The following COL22A1 variants were observed in gnomAD, a reference collection of about 807,000 sequenced individuals.
COL22A1 encodes collagen type XXII alpha 1 chain.
COL22A1 carries 221 observed loss-of-function variants against 248.9 expected under a neutral mutation model. The ratio of observed to expected loss-of-function variants is 0.89; its 90% CI spans 0.80 to 0.99. The LOEUF is 0.99. COL22A1 is among the 50% of genes least tolerant of loss of function. The pLI is 0.00. For synonymous variants in COL22A1, 891 were observed against 793.4 expected (o/e 1.12, Z -2.07); for missense variants, 2,240 against 2,179.0 (o/e 1.03, Z -0.56).
chr8:138,800,663 G>T (rs1404242845), intron 11 of COL22A1, among the ~76,000 whole-genome samples: 1 of 152,130 alleles, frequency 6.6e-6, no homozygotes, highest in African/African-American at 2.4e-5. Flanking sequence ...TATCAGGCAG[G>T]CAATAATGAT....
chr8:138,608,031 A>G (rs373343072), intron 56 of COL22A1, 42 bp from the exon 57 acceptor site: 221 of 1,588,616 alleles, frequency 1.4e-4, no homozygotes, highest in Non-Finnish European at 1.9e-4. Flanking sequence ...CAGGGCATCA[A>G]AGAGCAGGAC....
At chr8:138,719,773 C>T (rs1829727702) in intron 27 of COL22A1, among the ~76,000 whole-genome samples, 1 of 152,164 alleles carries the variant, frequency 6.6e-6, no homozygotes, top group Non-Finnish European at 1.5e-5. Context: ...GCATTCTCCA[C>T]CTAGCAAGCC....
At chr8:138,777,354 T>G (rs1339823065) in intron 15 of COL22A1, among the ~76,000 whole-genome samples, 12 of 152,234 alleles carry the variant, frequency 7.9e-5, no homozygotes, top group Non-Finnish European at 4.4e-5. Flanking sequence ...TGTTTTAATT[T>G]CATCTAAATA....
rs377588140 is a variant in COL22A1 at position 138,658,466 on chromosome 8, C to T, written c.3285+1970G>A. On this transcript the variant is annotated intron_variant, in intron 44 of 64. Transcript: ENST00000303045. ...TGTGGGCACTCCATGCCTGTGTGAC[C>T]GACTCCCAACATAAACCCTAGACAC... is the stretch of plus-strand genomic sequence containing the variant. 8.1e-4 allele frequency among the ~76,000 whole-genome samples: 124 copies of T among 152,204 alleles called. 4 individuals carry two copies. The South Asian group carries it at 0.024, about 30-fold the overall frequency.
intron 1 of COL22A1, among the ~76,000 whole-genome samples, chr8:138,911,846 A>G (rs1163123006): frequency 2.6e-5 from 4 of 152,210 alleles, no homozygotes; most frequent in African/African-American, 7.2e-5. Context: ...TAAAGGATGC[A>G]TGGATCCCTG....
intron 22 of COL22A1, among the ~76,000 whole-genome samples, chr8:138,746,060 T>C (rs1389772128): frequency 6.6e-6 from 1 of 152,224 alleles, no homozygotes; most frequent in Admixed American, 6.5e-5. Flanking sequence ...GCGTGGAGCG[T>C]GCCTCGCTCT....
Position 138,811,799 on chromosome 8 carries a change from C to G in COL22A1, c.1449G>C (p.Lys483Asn). The change falls in exon 9 of 65, where the codon AAG becomes AAC. Residue 483 changes from lysine to asparagine, a missense_variant and splice_region_variant. Coordinates refer to ENST00000303045, the MANE Select transcript of COL22A1 (RefSeq NM_152888.3). ...TINCSCPAGE[K>N]GEMGVAGPMG... ...GCTGAAGGTGGACTGCAGACAATAC[C>G]TTCTCTCCAGCTGGGCAGGAGCAGT... The G allele has an allele frequency of 6.5e-7, 1 of 1,545,470 alleles. No individual in the cohort carries two copies. Among genetic ancestry groups the G allele is most frequent in the Non-Finnish European group, 8.8e-7 (1 of 1,136,620 alleles).
intron 23 of COL22A1, among the ~76,000 whole-genome samples, chr8:138,733,916 C>G (rs1453911940): frequency 6.6e-6 from 1 of 152,142 alleles, no homozygotes; most frequent in African/African-American, 2.4e-5. Flanking sequence ...TGGTGTGGGA[C>G]AGGACACTAC....
chr8:138,813,093 G>A lies in COL22A1; in HGVS notation c.1246-74C>T, dbSNP rs553745131. 7.3e-5 allele frequency: 82 copies of A among 1,128,836 alleles called. No individual in the cohort carries two copies. The African/African-American group carries it at 1.1e-3, about 15-fold the overall frequency. The allele number at this position is 1,128,836 out of a possible 1,614,324, so 69.9% of individuals were successfully genotyped here. A position where few individuals can be genotyped will look rare whatever the true frequency, so the allele number is the denominator to read the frequency against. On this transcript the variant is annotated intron_variant, in intron 7 of 64. Transcript: ENST00000303045. ...CCAGAAACCTCCGTGGTTTCACACA[G>A]GCCCCGTCCTGGTATCTGGTTCCAC...
intron 3 of COL22A1, among the ~76,000 whole-genome samples, chr8:138,856,924 T>C (rs1224296035): frequency 1.3e-5 from 2 of 152,274 alleles, no homozygotes; most frequent in East Asian, 1.9e-4. Flanking sequence ...CCCTGCCCTT[T>C]TGGTGTGCCT....
rs947552187 is a variant in COL22A1, at chr8:138,882,942, A to G, written c.91+140T>C. 3.0e-5 allele frequency: 23 copies of G among 772,758 alleles called. 2 individuals are homozygous for G. In the South Asian group the frequency reaches 4.6e-4, roughly 15 times the overall value. 47.9% of individuals were successfully genotyped at this position (772,758 alleles called of 1,614,324 possible). A position where few individuals can be genotyped will look rare whatever the true frequency, so the allele number is the denominator to read the frequency against. On this transcript the variant is annotated intron_variant, in intron 2 of 64. Transcript: ENST00000303045. ...CTAGGTTAGAAGGCAGCTGACTCAC[A>G]CTTGGATTCCGGACTCTCCCTCTCT...
chr8:138,635,177 AT>A (rs1821042982), intron 48 of COL22A1, 114 bp from the exon 49 acceptor site: 2 of 809,308 alleles, frequency 2.5e-6, no homozygotes, highest in African/African-American at 3.5e-5. Context: ...CCTACTAACA[AT>A]TTTGCTTAAA....
chr8:138,892,297 C>T (rs1328935419), intron 1 of COL22A1, among the ~76,000 whole-genome samples: 2 of 152,212 alleles, frequency 1.3e-5, no homozygotes, highest in Non-Finnish European at 2.9e-5. Flanking sequence ...AGCTTTGCCA[C>T]TTGGTGGCAC....
intron 11 of COL22A1, among the ~76,000 whole-genome samples, chr8:138,800,133 C>G (rs1217190652): frequency 2.0e-5 from 3 of 152,222 alleles, no homozygotes; most frequent in Admixed American, 1.3e-4. Context: ...TGGCCCTCTT[C>G]TCTTGGAACG....
chr8:138,791,650 C>A (rs1200905421), intron 12 of COL22A1, among the ~76,000 whole-genome samples: 1 of 152,196 alleles, frequency 6.6e-6, no homozygotes, highest in Non-Finnish European at 1.5e-5. Context: ...GGATTTCCTG[C>A]ACACTTGGCA....
intron 35 of COL22A1, among the ~76,000 whole-genome samples, chr8:138,691,128 T>A (rs1375896507): frequency 6.6e-6 from 1 of 152,064 alleles, no homozygotes; most frequent in Non-Finnish European, 1.5e-5. Context: ...TCCTTAGAGC[T>A]AAGGCACAGG....
In COL22A1 at chr8:138,708,258, A is replaced by G. The variant is rs188518660; in HGVS notation, c.2518-4911T>C. The stretch of plus-strand genomic sequence containing the variant: ...TGCCATCCCCATCAAGCTACCAATG[A>G]CTTTCTTCACAGAATTGGAAAAAAC... On this transcript the variant is annotated intron_variant, in intron 30 of 64. Transcript: ENST00000303045. Among the ~76,000 whole-genome samples the G allele has an allele frequency of 1.2e-3, 177 of 152,348 alleles. 1 individual carries two copies. The highest frequency in any genetic ancestry group is 3.9e-3 in the African/African-American group (164 of 41,584).
Position 138,724,598 on chromosome 8 carries a change from T to C in COL22A1, c.2247+17A>G, listed in dbSNP as rs1830157144. 2 of 1,613,244 alleles carry C rather than the reference T, an allele frequency of 1.2e-6. No individual in the cohort carries two copies. The highest frequency in any genetic ancestry group is 2.2e-5 in the South Asian group (2 of 90,986). ...GAGAGGGAGGAGGGGAGCAGGAAGA[T>C]GTTTCCGAACACTCACCGTGGGCCC... is the stretch of plus-strand genomic sequence containing the variant. On this transcript the variant is annotated intron_variant, in intron 25 of 64. Coordinates refer to ENST00000303045, the MANE Select transcript of COL22A1 (RefSeq NM_152888.3).
intron 1 of COL22A1, 71 bp from the exon 2 acceptor site, chr8:138,883,315 T>G: frequency 3.7e-5 from 28 of 762,772 alleles, no homozygotes; most frequent in Non-Finnish European, 5.4e-5. Flanking sequence ...CTCTGGGCCC[T>G]GCCCAGGGGG....
Sources: gnomAD v4.1 joint callset for allele counts (sites outside exome capture counted in the v4.1 genomes callset) on GRCh38, gnomAD v4.1.1 for gene constraint, MANE v1.5 for transcripts, NCBI Gene and HGNC (gene_info 2026-07-23, HGNC 2026-07-21) for gene names.